Variants in SIPA1L1 observed in about 807,000 individuals in gnomAD.
SIPA1L1 encodes signal-induced proliferation-associated 1-like protein 1.
A neutral mutation model predicts 162.7 loss-of-function variants in SIPA1L1; 26 were observed. That is an observed-to-expected ratio of 0.16 (90% CI 0.12 to 0.22). The LOEUF (loss-of-function observed/expected upper bound fraction) is 0.22, where lower values mean the gene tolerates loss of function less well. SIPA1L1 is among the 10% of genes least tolerant of loss of function. The probability of loss-of-function intolerance (pLI) is 1.00; values close to 1 mark genes in which losing one functional copy is unlikely to be tolerated. For synonymous variants in SIPA1L1, 829 were observed against 837.4 expected, an observed-to-expected ratio of 0.99 and a Z score of 0.17; for missense variants, 1,874 against 2,241.0, an observed-to-expected ratio of 0.84 and a Z score of 3.31.
At chr14:71,544,259 CATGAT>C (rs1011575089) in intron 4 of SIPA1L1, among the ~76,000 whole-genome samples, 1 of 105,588 alleles carries the variant, frequency 9.5e-6, no homozygotes, top group African/African-American at 2.7e-5. Context: ...TGTATATACA[CATGAT>C]ATGTGTATAT....
At chr14:71,496,197 G>A (rs1347544393) in intron 2 of SIPA1L1, among the ~76,000 whole-genome samples, 1 of 151,760 alleles carries the variant, frequency 6.6e-6, no homozygotes, top group East Asian at 1.9e-4. Flanking sequence ...AGCTGGGTGT[G>A]GTGGCATATG....
At chr14:71,706,066 T>C (rs528060609) in intron 16 of SIPA1L1, among the ~76,000 whole-genome samples, 2 of 152,282 alleles carry the variant, frequency 1.3e-5, no homozygotes, top group Non-Finnish European at 2.9e-5. Context: ...TCATGCTTAC[T>C]AGTTCACTAT....
At chr14:71,464,334 G>A (rs946907561) in intron 2 of SIPA1L1, among the ~76,000 whole-genome samples, 1 of 152,050 alleles carries the variant, frequency 6.6e-6, no homozygotes, top group Non-Finnish European at 1.5e-5. Context: ...TTAACTCCCC[G>A]AGCTGCAACA....
chr14:71,658,526 A>G, intron 9 of SIPA1L1, 90 bp downstream of exon 9: 1 of 834,914 alleles, frequency 1.2e-6, no homozygotes. Context: ...TTAAACCAGA[A>G]TTTAGTGTTG....
At chr14:71,713,745 T>A (rs757306303) in intron 17 of SIPA1L1, among the ~76,000 whole-genome samples, 3 of 152,234 alleles carry the variant, frequency 2.0e-5, no homozygotes, top group Non-Finnish European at 2.9e-5. Flanking sequence ...TGTGTGCCTC[T>A]GTGTATGCCC....
At chr14:71,675,105 T>C (rs111717032) in intron 12 of SIPA1L1, among the ~76,000 whole-genome samples, 1,796 of 152,322 alleles carry the variant, frequency 0.012, 34 homozygotes, top group African/African-American at 0.041. Flanking sequence ...ACTCCCACTG[T>C]GGCTGGTTCC....
At chr14:71,359,884 A>C (rs1448355648) in intron 2 of SIPA1L1, among the ~76,000 whole-genome samples, 1 of 152,238 alleles carries the variant, frequency 6.6e-6, no homozygotes. Context: ...AAAAATGCAT[A>C]CAGAGATTCT....
chr14:71,332,736 T>C (rs773066611), intron 2 of SIPA1L1, among the ~76,000 whole-genome samples: 1 of 152,164 alleles, frequency 6.6e-6, no homozygotes, highest in South Asian at 2.1e-4. Flanking sequence ...CTTCTGCATC[T>C]TCATTCATTC....
chr14:71,536,251 T>C (rs1299599177), intron 4 of SIPA1L1, among the ~76,000 whole-genome samples: 1 of 152,206 alleles, frequency 6.6e-6, no homozygotes, highest in Non-Finnish European at 1.5e-5. Context: ...GAGTGCTTGT[T>C]TGTTGGTTTC....
At chr14:71,559,909 A>T (rs1457855840) in intron 4 of SIPA1L1, among the ~76,000 whole-genome samples, 1 of 152,218 alleles carries the variant, frequency 6.6e-6, no homozygotes, top group Admixed American at 6.5e-5. Flanking sequence ...TTGAATAATC[A>T]TTGAAAAATA....
chr14:71,657,136 T>C (rs901203429), intron 8 of SIPA1L1, among the ~76,000 whole-genome samples: 4 of 151,884 alleles, frequency 2.6e-5, no homozygotes, highest in Non-Finnish European at 4.4e-5. Flanking sequence ...GATCACAAGG[T>C]CAGGAGATTG....
At chr14:71,552,820 G>GACCT (rs2055989139) in intron 4 of SIPA1L1, among the ~76,000 whole-genome samples, 1 of 151,968 alleles carries the variant, frequency 6.6e-6, no homozygotes, top group Admixed American at 6.6e-5. Context: ...TCCTTACTTT[G>GACCT]ACCTAAGGGA....
At chr14:71,398,645 A>C (rs545256571) in intron 2 of SIPA1L1, among the ~76,000 whole-genome samples, 9 of 152,316 alleles carry the variant, frequency 5.9e-5, no homozygotes, top group Admixed American at 5.9e-4. Context: ...ACACAAGTTC[A>C]TGGATGCCAG....
chr14:71,489,651 G>A (rs1595732013), intron 2 of SIPA1L1, among the ~76,000 whole-genome samples: 1 of 151,190 alleles, frequency 6.6e-6, no homozygotes, highest in South Asian at 2.1e-4. Context: ...AATAAGAATT[G>A]TCTCAGGCCA....
chr14:71,591,113 A>T (rs1202983202), intron 5 of SIPA1L1, among the ~76,000 whole-genome samples: 1 of 152,140 alleles, frequency 6.6e-6, no homozygotes, highest in Non-Finnish European at 1.5e-5. Context: ...GTTATAATCT[A>T]ATTTATGTAA....
rs1426194015 is a variant in SIPA1L1, at chr14:71,542,413, GCTT to G, written c.-303+13051_-303+13053del. ...TCTTCCTGCTGCTGCTGCTGCTTCT[GCTT>G]CTTCTTCCTGCTGCTGCTGCTGCTT... On this transcript the variant is annotated intron_variant, in intron 4 of 23. Transcript: ENST00000381232. 5.6e-4 allele frequency among the ~76,000 whole-genome samples: 79 copies of G among 142,204 alleles called. 1 individual carries two copies. Among genetic ancestry groups the G allele is most frequent in the African/African-American group, 2.0e-3 (75 of 37,790 alleles). 93.3% of individuals were successfully genotyped at this position (142,204 alleles called of 152,430 possible).
At chr14:71,526,760 T>TA (rs2052921337) in intron 3 of SIPA1L1, among the ~76,000 whole-genome samples, 1 of 152,214 alleles carries the variant, frequency 6.6e-6, no homozygotes, top group African/African-American at 2.4e-5. Context: ...TGCTCTATAA[T>TA]ATTCCATTAT....
chr14:71,656,421 T>A (rs1271946517), intron 8 of SIPA1L1, among the ~76,000 whole-genome samples: 2 of 152,228 alleles, frequency 1.3e-5, no homozygotes, highest in Non-Finnish European at 2.9e-5. Flanking sequence ...ACATTCACTT[T>A]AAAGTTTTAA....
Position 71,714,454 on chromosome 14 carries a change from G to C in SIPA1L1, c.4208+4790G>C, listed in dbSNP as rs1245632238. Among the ~76,000 whole-genome samples the C allele has an allele frequency of 1.3e-5, 2 of 152,136 alleles. 1 individual carries two copies. Among genetic ancestry groups the C allele is most frequent in the Non-Finnish European group, 2.9e-5 (2 of 68,016 alleles). On this transcript the variant is annotated intron_variant, in intron 17 of 23. Transcript: ENST00000381232. ...TGTCATTAAATCATAAGGCCAAAAG[G>C]AATTCAGAAAGGGCAGAGAGCCCAT...
Sources: gnomAD v4.1 joint callset for allele counts (sites outside exome capture counted in the v4.1 genomes callset) on GRCh38, gnomAD v4.1.1 for gene constraint, MANE v1.5 for transcripts, NCBI Gene and HGNC (gene_info 2026-07-23, HGNC 2026-07-21) for gene names.